The following SIRPB2 variants were observed in gnomAD, a reference collection of about 807,000 sequenced individuals.
The protein encoded by SIRPB2 is signal regulatory protein beta 2.
A neutral mutation model predicts 27.1 loss-of-function variants in SIRPB2; 18 were observed. The observed-to-expected ratio is 0.66, with a 90% CI of 0.46 to 0.98. The LOEUF (loss-of-function observed/expected upper bound fraction) is 0.98. SIRPB2 is among the 50% of genes least tolerant of loss of function. The pLI is 0.00. For missense variants in SIRPB2, 420 were observed against 417.4 expected (o/e 1.01, Z -0.06); for synonymous variants, 150 against 164.6 (o/e 0.91, Z 0.68).
chr20:1,484,746 G>A (rs796418142), intron 1 of SIRPB2, among the ~76,000 whole-genome samples: 5 of 151,824 alleles, frequency 3.3e-5, no homozygotes, highest in African/African-American at 9.6e-5. Flanking sequence ...TGCTGGTAAG[G>A]TTGCAAAGAA....
chr20:1,479,370 T>A, intron 2 of SIRPB2: 1 of 340,204 alleles, frequency 2.9e-6, no homozygotes, highest in East Asian at 6.7e-5. Flanking sequence ...AGCTGAGCCA[T>A]GTGACTTGCT....
intron 3 of SIRPB2, 65 bp downstream of exon 3, chr20:1,478,201 T>C (rs962655197): frequency 1.2e-5 from 18 of 1,457,124 alleles, no homozygotes; most frequent in African/African-American, 2.8e-5. Context: ...GTTCGGGACA[T>C]GTAGAAAAAT....
At chr20:1,488,738 G>T (rs577584549) in intron 1 of SIRPB2, among the ~76,000 whole-genome samples, 3 of 152,188 alleles carry the variant, frequency 2.0e-5, no homozygotes, top group Non-Finnish European at 4.4e-5. Flanking sequence ...TGGTGAGGAG[G>T]TGTAGGAACT....
intron 1 of SIRPB2, among the ~76,000 whole-genome samples, chr20:1,487,403 A>G (rs566086139): frequency 1.3e-5 from 2 of 152,360 alleles, no homozygotes; most frequent in African/African-American, 2.4e-5. Context: ...ACTCAATGCC[A>G]TTCCCATTCA....
At chr20:1,476,610 C>T (rs1210867495) in intron 4 of SIRPB2, 22 of 599,692 alleles carry the variant, frequency 3.7e-5, no homozygotes, top group Non-Finnish European at 4.6e-5. Flanking sequence ...TCAAGGTAAT[C>T]CTACAGTGTA....
At chr20:1,483,113 T>A (rs1210353029) in intron 1 of SIRPB2, among the ~76,000 whole-genome samples, 1 of 151,632 alleles carries the variant, frequency 6.6e-6, no homozygotes, top group African/African-American at 2.4e-5. Flanking sequence ...TCATCATTTT[T>A]TTTTTTTTTT....
rs112283333 is a variant in SIRPB2, at chr20:1,479,492, T to C, written c.451+208A>G. On this transcript the variant is annotated intron_variant, in intron 2 of 4. Coordinates refer to ENST00000359801, the MANE Select transcript of SIRPB2 (RefSeq NM_001122962.2). ...TCTTTATGAGAAAACATGCCCCACA[T>C]AGTTGCTACCTCTCCAGCCTGGGCT... The C allele has an allele frequency of 5.0e-4, 365 of 728,890 alleles. 1 individual carries two copies. In the African/African-American group the frequency reaches 5.8e-3, roughly 12 times the overall value. 45.2% of individuals were successfully genotyped at this position (728,890 alleles called of 1,614,324 possible). A position where few individuals can be genotyped will look rare whatever the true frequency, so the allele number is the denominator to read the frequency against.
intron 1 of SIRPB2, among the ~76,000 whole-genome samples, 189 bp downstream of exon 1, chr20:1,491,086 A>T (rs1233587814): frequency 6.6e-6 from 1 of 152,200 alleles, no homozygotes; most frequent in Non-Finnish European, 1.5e-5. Flanking sequence ...CTGGGAGCTT[A>T]TCACTTCACT....
intron 1 of SIRPB2, among the ~76,000 whole-genome samples, chr20:1,489,775 T>C (rs1205614135): frequency 1.3e-5 from 2 of 152,022 alleles, no homozygotes; most frequent in Admixed American, 1.3e-4. Flanking sequence ...CACTCATATT[T>C]TTCTCGGGGC....
At chr20:1,476,394 G>A (rs1410134882) in intron 4 of SIRPB2, 58 bp from the exon 5 acceptor site, 5 of 1,528,196 alleles carry the variant, frequency 3.3e-6, no homozygotes, top group Admixed American at 2.1e-5. Context: ...CACAGCCCAC[G>A]CCTCATTGCT....
At chr20:1,471,383 A>C (rs1393491089), downstream of SIRPB2, among the ~76,000 whole-genome samples, 1 of 152,244 alleles carries the variant, frequency 6.6e-6, no homozygotes, top group Non-Finnish European at 1.5e-5. Context: ...TAAGGTCTCC[A>C]TCCATCAACA....
intron 2 of SIRPB2, chr20:1,479,441 T>C (rs990160236): frequency 7.6e-6 from 4 of 524,132 alleles, no homozygotes; most frequent in African/African-American, 5.7e-5. Context: ...ACTTGAAGAG[T>C]TGGGACTGGG....
At chr20:1,477,017 A>C in intron 4 of SIRPB2, 2 of 1,290,314 alleles carry the variant, frequency 1.6e-6, no homozygotes, top group Non-Finnish European at 2.0e-6. Flanking sequence ...CTTAGCTACA[A>C]AGCCATGTTC....
chr20:1,475,754 TGGAGGGG>T lies in SIRPB2; in HGVS notation c.*406_*412del. ...GAAGGAGTGGGGAGAAAGGTGTAGATGGAGGGGCACAGATGGTCTGGCTGGTTGAGTT... is the reference window on the plus strand; with the variant it reads ...GAAGGAGTGGGGAGAAAGGTGTAGATCACAGATGGTCTGGCTGGTTGAGTT... On this transcript the variant is annotated 3_prime_UTR_variant, in exon 5 of 5. Transcript: ENST00000359801. 1 of 166,332 alleles carries T rather than the reference TGGAGGGG, an allele frequency of 6.0e-6. No homozygotes were observed. The highest frequency in any genetic ancestry group is 1.3e-5 in the Non-Finnish European group (1 of 78,084). 10.3% of individuals were successfully genotyped at this position (166,332 alleles called of 1,614,324 possible). A position where few individuals can be genotyped will look rare whatever the true frequency, so the allele number is the denominator to read the frequency against.
intron 2 of SIRPB2, 167 bp downstream of exon 2, chr20:1,479,533 A>G: frequency 9.5e-7 from 1 of 1,050,988 alleles, no homozygotes; most frequent in Non-Finnish European, 1.4e-6. Context: ...ATGAGACATG[A>G]GGAGTGGAAC....
At chr20:1,473,152 G>C (rs1395470891), downstream of SIRPB2, 2 of 152,228 alleles carry the variant, frequency 1.3e-5, no homozygotes, top group African/African-American at 4.8e-5. Flanking sequence ...TCTTCTCTCG[G>C]GAGGAGGTAA....
intron 1 of SIRPB2, among the ~76,000 whole-genome samples, chr20:1,490,517 C>A (rs1033958651): frequency 2.0e-5 from 3 of 152,112 alleles, no homozygotes; most frequent in Admixed American, 6.5e-5. Flanking sequence ...ACCTGGCCTG[C>A]CCCTGAGTTA....
intron 1 of SIRPB2, chr20:1,480,303 G>C (rs2090657843): frequency 2.0e-6 from 1 of 506,120 alleles, no homozygotes; most frequent in African/African-American, 1.9e-5. Flanking sequence ...CCGTGTGCTG[G>C]GCCCTGCGTG....
downstream of SIRPB2, among the ~76,000 whole-genome samples, chr20:1,471,762 G>A (rs917418922): frequency 6.6e-6 from 1 of 152,186 alleles, no homozygotes. Context: ...TCAGGTTATA[G>A]GAAGCCCCTG....
Sources: gnomAD v4.1 joint callset for allele counts (sites outside exome capture counted in the v4.1 genomes callset) on GRCh38, gnomAD v4.1.1 for gene constraint, MANE v1.5 for transcripts, NCBI Gene and HGNC (gene_info 2026-07-23, HGNC 2026-07-21) for gene names.